The following STIM2 variants were observed in gnomAD, a reference collection of about 807,000 sequenced individuals.
STIM2 encodes the protein stromal interaction molecule 2.
Under a neutral mutation model 85.8 loss-of-function variants are expected in STIM2, and 31 were observed. That is an observed-to-expected ratio of 0.36 (90% confidence interval 0.27 to 0.49). STIM2 has a LOEUF of 0.49. Ranked by LOEUF, STIM2 falls within the 20% of genes least tolerant of loss-of-function variation. The pLI is 0.98. For synonymous variants in STIM2, 356 were observed against 331.1 expected (o/e 1.08, Z -0.82); for missense variants, 841 against 927.6 (o/e 0.91, Z 1.21).
At chr4:27,012,058 C>T (rs977235492) in intron 10 of STIM2, among the ~76,000 whole-genome samples, 1 of 152,074 alleles carries the variant, frequency 6.6e-6, no homozygotes, top group Non-Finnish European at 1.5e-5. Flanking sequence ...TACGGGTAAA[C>T]AGTTGTCTCA....
At chr4:26,883,896 A>G (rs936934269) in intron 1 of STIM2, among the ~76,000 whole-genome samples, 3 of 152,228 alleles carry the variant, frequency 2.0e-5, no homozygotes, top group African/African-American at 7.2e-5. Flanking sequence ...TTCATATTAT[A>G]TAGCCATGAA....
At chr4:26,881,734 A>G (rs1723023444) in intron 1 of STIM2, 1 of 152,214 alleles carries the variant, frequency 6.6e-6, no homozygotes, top group African/African-American at 2.4e-5. Context: ...TAAAAATCCA[A>G]CGTATCCTGA....
chr4:26,961,879 G>A (rs943652930), intron 3 of STIM2, among the ~76,000 whole-genome samples: 1 of 152,066 alleles, frequency 6.6e-6, no homozygotes, highest in African/African-American at 2.4e-5. Context: ...AGCCACTAGA[G>A]TAGTTGAGGC....
At chr4:26,986,407 C>G (rs1727587566) in intron 3 of STIM2, among the ~76,000 whole-genome samples, 1 of 152,110 alleles carries the variant, frequency 6.6e-6, no homozygotes, top group African/African-American at 2.4e-5. Context: ...TTAAATATAA[C>G]AAATGAAAAG....
chr4:26,953,718 C>G (rs1343751957), intron 2 of STIM2, among the ~76,000 whole-genome samples: 3 of 151,966 alleles, frequency 2.0e-5, no homozygotes. Context: ...CCTGTGGTCA[C>G]CTCTGTTCTC....
At chr4:26,869,472 A>G (rs1358211587) in intron 1 of STIM2, among the ~76,000 whole-genome samples, 2 of 152,134 alleles carry the variant, frequency 1.3e-5, no homozygotes, top group Admixed American at 1.3e-4. Context: ...TGTGCCAGCT[A>G]TGGTATGAGT....
At chr4:26,871,286 C>G (rs1722602238) in intron 1 of STIM2, among the ~76,000 whole-genome samples, 1 of 152,200 alleles carries the variant, frequency 6.6e-6, no homozygotes, top group African/African-American at 2.4e-5. Context: ...AAAAAACCCC[C>G]CTGTGCCAAG....
intron 1 of STIM2, among the ~76,000 whole-genome samples, chr4:26,891,599 C>CA (rs1212823566): frequency 4.0e-4 from 56 of 138,908 alleles, no homozygotes; most frequent in Admixed American, 1.1e-3. Flanking sequence ...ACACACACAC[C>CA]CCCTTTTGGT....
At chr4:26,917,933 A>G (rs549348446) in intron 1 of STIM2, among the ~76,000 whole-genome samples, 1 of 152,238 alleles carries the variant, frequency 6.6e-6, no homozygotes, top group East Asian at 1.9e-4. Context: ...CGGGCACATC[A>G]GGGTCTTGAT....
chr4:26,998,756 CA>C (rs1728046659), intron 4 of STIM2, among the ~76,000 whole-genome samples: 1 of 151,578 alleles, frequency 6.6e-6, no homozygotes, highest in Non-Finnish European at 1.5e-5. Context: ...ACTAAAAATA[CA>C]AAAAATTACC....
chr4:27,008,934 C>T lies in STIM2; in HGVS notation c.1421C>T (p.Pro474Leu). The T allele has an allele frequency of 6.2e-7, 1 of 1,614,108 alleles. No individual in the cohort carries two copies. Residue 474 changes from proline to leucine, a missense_variant, in exon 10 of 12, where the codon CCC becomes CTC. By Grantham distance (98) the Pro-to-Leu change is moderately conservative. Coordinates refer to ENST00000467087, the MANE Select transcript of STIM2 (RefSeq NM_020860.4). ...GTGATGCCCAGAGTCTCCATTCCACCCTATCCAATTGCTGGAGGAGTTGAT... is the reference window on the plus strand; with the variant it reads ...GTGATGCCCAGAGTCTCCATTCCACTCTATCCAATTGCTGGAGGAGTTGAT...
At chr4:26,917,824 G>A (rs1025944334) in intron 1 of STIM2, among the ~76,000 whole-genome samples, 1 of 152,092 alleles carries the variant, frequency 6.6e-6, no homozygotes, top group Admixed American at 6.6e-5. Flanking sequence ...AGGCAACTAC[G>A]TATTATATAC....
At chr4:26,902,177 A>G (rs1356911054) in intron 1 of STIM2, among the ~76,000 whole-genome samples, 2 of 152,180 alleles carry the variant, frequency 1.3e-5, no homozygotes, top group Non-Finnish European at 2.9e-5. Context: ...TGCTAGAGAT[A>G]GGGAGACCAT....
At chr4:27,010,615 G>A (rs949338382) in intron 10 of STIM2, among the ~76,000 whole-genome samples, 1 of 152,074 alleles carries the variant, frequency 6.6e-6, no homozygotes, top group Admixed American at 6.6e-5. Context: ...GGAAACTCTC[G>A]GCAATAGAAG....
At chr4:27,005,834 A>G (rs558149311) in intron 7 of STIM2, among the ~76,000 whole-genome samples, 4 of 152,218 alleles carry the variant, frequency 2.6e-5, no homozygotes, top group Non-Finnish European at 4.4e-5. Flanking sequence ...TTTTAGGGGA[A>G]ATACATTTAT....
intron 2 of STIM2, among the ~76,000 whole-genome samples, chr4:26,927,836 TAAATTATATATTA>T (rs1421392484): frequency 7.4e-6 from 1 of 135,350 alleles, no homozygotes; most frequent in Admixed American, 7.3e-5. Flanking sequence ...TGTAATTATA[TAAATTATATATTA>T]ATATATAATT....
chr4:26,982,215 G>A (rs1727425562), intron 3 of STIM2, among the ~76,000 whole-genome samples: 1 of 151,662 alleles, frequency 6.6e-6, no homozygotes. Context: ...AGATAACAAA[G>A]ACATATTTTG....
chr4:26,996,345 C>T (rs1727960372), intron 4 of STIM2, among the ~76,000 whole-genome samples: 1 of 151,908 alleles, frequency 6.6e-6, no homozygotes, highest in Admixed American at 6.6e-5. Context: ...AAGATTGCTT[C>T]TTAAGTTTTA....
intron 3 of STIM2, among the ~76,000 whole-genome samples, chr4:26,986,127 T>C (rs1365681813): frequency 6.6e-6 from 1 of 152,192 alleles, no homozygotes; most frequent in African/African-American, 2.4e-5. Flanking sequence ...AACTCTGAGC[T>C]TCAGCTTCCT....
Sources: allele counts gnomAD v4.1 joint callset (sites outside exome capture counted in the v4.1 genomes callset), GRCh38; gene constraint gnomAD v4.1.1; transcripts MANE v1.5; gene names NCBI Gene and HGNC (gene_info 2026-07-23, HGNC 2026-07-21).